The following PDE5A variants were observed in gnomAD, a reference collection of about 807,000 sequenced individuals.
PDE5A encodes cGMP-specific 3',5'-cyclic phosphodiesterase.
In PDE5A, 67 loss-of-function variants were observed where a neutral mutation model predicts 110.2. The observed-to-expected ratio is 0.61, with a 90% CI of 0.50 to 0.75. PDE5A has a LOEUF of 0.75. Among genes scored for constraint, PDE5A ranks in the 30% least tolerant of loss-of-function variants. The probability of loss-of-function intolerance (pLI) is 0.00; values close to 1 mark genes in which losing one functional copy is unlikely to be tolerated. For missense variants in PDE5A, 862 were observed against 1,045.1 expected (o/e 0.82, Z 2.42); for synonymous variants, 328 against 351.2 (o/e 0.93, Z 0.74).
intron 11 of PDE5A, among the ~76,000 whole-genome samples, chr4:119,536,686 G>A (rs185429589): frequency 3.5e-4 from 53 of 152,212 alleles, no homozygotes; most frequent in Admixed American, 1.2e-3. Flanking sequence ...AAATGACTCA[G>A]TTTCTTACTC....
rs545139511 is a variant in PDE5A at position 119,508,125 on chromosome 4, T to C, written c.2089-421A>G. Among the ~76,000 whole-genome samples, 11 of 152,098 alleles carry C rather than the reference T, an allele frequency of 7.2e-5. No individual in the cohort carries two copies. The South Asian group carries it at 2.3e-3, about 32-fold the overall frequency. On this transcript the variant is annotated intron_variant, in intron 15 of 20. Transcript: ENST00000354960. ...GGCATTTTAAATAAATCCAGTAACA[T>C]TTCTGGTGCAAATTTATATAATTTT...
intron 3 of PDE5A, among the ~76,000 whole-genome samples, chr4:119,581,013 G>A (rs962599735): frequency 7.2e-5 from 11 of 152,118 alleles, no homozygotes; most frequent in Non-Finnish European, 7.4e-5. Context: ...GGCTTACCCC[G>A]GACGGTGTTT....
chr4:119,618,939 A>G (rs1461126637), intron 1 of PDE5A, among the ~76,000 whole-genome samples: 2 of 152,166 alleles, frequency 1.3e-5, no homozygotes, highest in Admixed American at 6.5e-5. Flanking sequence ...AAGTCCATTG[A>G]GCAGTAACTT....
intron 9 of PDE5A, among the ~76,000 whole-genome samples, chr4:119,550,883 A>G (rs1387095536): frequency 7.2e-5 from 11 of 152,192 alleles, no homozygotes; most frequent in Non-Finnish European, 1.6e-4. Flanking sequence ...ACTTGGTATC[A>G]TATTGTAAGG....
chr4:119,549,676 G>T (rs1727269327), intron 9 of PDE5A: 1 of 151,970 alleles, frequency 6.6e-6, no homozygotes, highest in African/African-American at 2.4e-5. Context: ...TATAATATTG[G>T]AAAAAGGCAT....
intron 3 of PDE5A, among the ~76,000 whole-genome samples, chr4:119,576,110 AG>A (rs1387913880): frequency 2.7e-5 from 4 of 150,748 alleles, no homozygotes; most frequent in Non-Finnish European, 5.9e-5. Flanking sequence ...ATAATGGTAA[AG>A]GGATCAATTC....
At chr4:119,600,532 G>C (rs577233136) in intron 2 of PDE5A, among the ~76,000 whole-genome samples, 29 of 152,192 alleles carry the variant, frequency 1.9e-4, no homozygotes, top group African/African-American at 6.5e-4. Flanking sequence ...CTAGGGCACG[G>C]AAAGTGTAAG....
chr4:119,628,163 CTGTT>C (rs766789960), intron 1 of PDE5A: 1 of 400,094 alleles, frequency 2.5e-6, no homozygotes, highest in Non-Finnish European at 3.4e-6. Context: ...GGCTCAGAAA[CTGTT>C]TGGGTTTTGC....
intron 2 of PDE5A, among the ~76,000 whole-genome samples, chr4:119,603,614 C>T (rs1346243525): frequency 5.5e-5 from 1 of 18,294 alleles, no homozygotes; most frequent in Non-Finnish European, 1.7e-4. Context: ...AGTAATAAAA[C>T]TATAGAATTT....
At chr4:119,601,455 C>T (rs528682361) in intron 2 of PDE5A, among the ~76,000 whole-genome samples, 3 of 152,178 alleles carry the variant, frequency 2.0e-5, no homozygotes, top group African/African-American at 4.8e-5. Context: ...CACCCCCCGC[C>T]ACCTCCCATA....
chr4:119,526,961 C>T (rs1368139086), intron 11 of PDE5A: 1 of 152,098 alleles, frequency 6.6e-6, no homozygotes, highest in Admixed American at 6.6e-5. Context: ...AGATAAAGGG[C>T]TTAGTTGTTT....
At chr4:119,502,149 A>C (rs1204077722) in intron 19 of PDE5A, among the ~76,000 whole-genome samples, 3 of 151,930 alleles carry the variant, frequency 2.0e-5, no homozygotes, top group Non-Finnish European at 4.4e-5. Context: ...AATTCTTTTG[A>C]TGGCGAGAAC....
intron 16 of PDE5A, among the ~76,000 whole-genome samples, chr4:119,506,878 G>A (rs3775844): frequency 0.26 from 39,827 of 151,624 alleles, 5,361 homozygotes; most frequent in East Asian, 0.38. Context: ...TCTCCTAAGA[G>A]TAACTACAAC....
chr4:119,523,530 T>C (rs1176848615), intron 12 of PDE5A, among the ~76,000 whole-genome samples: 1 of 152,040 alleles, frequency 6.6e-6, no homozygotes, highest in Non-Finnish European at 1.5e-5. Context: ...GCCAGAATGA[T>C]GGCAATGTTC....
chr4:119,545,305 C>T (rs1727095200), intron 9 of PDE5A, among the ~76,000 whole-genome samples: 1 of 152,162 alleles, frequency 6.6e-6, no homozygotes, highest in South Asian at 2.1e-4. Context: ...TTCACAACTT[C>T]TTCCTTAATG....
chr4:119,515,768 A>G (rs1725889569), intron 14 of PDE5A, among the ~76,000 whole-genome samples: 1 of 152,072 alleles, frequency 6.6e-6, no homozygotes, highest in Non-Finnish European at 1.5e-5. Context: ...TCTAGCCAGT[A>G]TGTGATTTTT....
intron 3 of PDE5A, among the ~76,000 whole-genome samples, chr4:119,578,943 A>G (rs1728485942): frequency 6.6e-6 from 1 of 152,226 alleles, no homozygotes; most frequent in Non-Finnish European, 1.5e-5. Flanking sequence ...TACTTATCTG[A>G]CAAAGGGCTA....
At chr4:119,616,940 A>G (rs1729965109) in intron 1 of PDE5A, among the ~76,000 whole-genome samples, 2 of 152,206 alleles carry the variant, frequency 1.3e-5, no homozygotes, top group East Asian at 1.9e-4. Context: ...GATGGACTCA[A>G]TTAAGTTAAT....
At chr4:119,554,670 G>A (rs1189725100) in intron 7 of PDE5A, among the ~76,000 whole-genome samples, 1 of 151,902 alleles carries the variant, frequency 6.6e-6, no homozygotes, top group Non-Finnish European at 1.5e-5. Context: ...AAATACAGTT[G>A]GCCCTCTGTA....
Sources: allele counts gnomAD v4.1 joint callset (sites outside exome capture counted in the v4.1 genomes callset), GRCh38; gene constraint gnomAD v4.1.1; transcripts MANE v1.5; gene names NCBI Gene and HGNC (gene_info 2026-07-23, HGNC 2026-07-21).